TRIM35: variants seen among roughly 807,000 people sequenced by gnomAD.
TRIM35 encodes E3 ubiquitin-protein ligase TRIM35.
In TRIM35, 37 loss-of-function variants were observed where a neutral mutation model predicts 49.1. That is an observed-to-expected ratio of 0.75 (90% confidence interval 0.58 to 0.99). TRIM35 has a LOEUF of 0.99. Ranked by LOEUF, TRIM35 falls within the 50% of genes least tolerant of loss-of-function variation. The pLI, the probability that TRIM35 is intolerant of heterozygous loss-of-function variation, is 0.00. For missense variants in TRIM35, 648 were observed against 702.7 expected, an observed-to-expected ratio of 0.92 and a Z score of 0.88; for synonymous variants, 302 against 289.3, an observed-to-expected ratio of 1.04 and a Z score of -0.45.
chr8:27,289,306 G>C, intron 4 of TRIM35, 26 bp from the exon 5 acceptor site: 1 of 1,599,108 alleles, frequency 6.3e-7, no homozygotes, highest in Non-Finnish European at 8.6e-7. Flanking sequence ...GGGTATGGTG[G>C]GCAGGGCCAG....
chr8:27,290,310 AT>A (rs1802427055), intron 3 of TRIM35, 132 bp from the exon 4 acceptor site: 1 of 849,006 alleles, frequency 1.2e-6, no homozygotes, highest in Non-Finnish European at 1.9e-6. Context: ...TAACAATAAC[AT>A]CCCTGCTATG....
intron 1 of TRIM35, among the ~76,000 whole-genome samples, chr8:27,306,794 G>C (rs10093363): frequency 1.3e-5 from 2 of 152,188 alleles, no homozygotes; most frequent in African/African-American, 4.8e-5. Context: ...AAATTTGGGC[G>C]GATTAAGTAG....
At chr8:27,297,268 G>C (rs1802589091) in intron 2 of TRIM35, among the ~76,000 whole-genome samples, 1 of 152,208 alleles carries the variant, frequency 6.6e-6, no homozygotes, top group Non-Finnish European at 1.5e-5. Context: ...ACCTGGACCA[G>C]GCATGGCTCA....
intron 1 of TRIM35, among the ~76,000 whole-genome samples, chr8:27,309,803 T>C (rs967548726): frequency 3.3e-5 from 5 of 150,694 alleles, no homozygotes; most frequent in African/African-American, 1.2e-4. Context: ...GCCAACATGG[T>C]GAAACCCTGC....
chr8:27,288,108 G>A lies in TRIM35; in HGVS notation c.924C>T (p.Pro308=). 6.2e-7 allele frequency: 1 copy of A among 1,607,706 alleles called. No individual in the cohort carries two copies. Among genetic ancestry groups the A allele is most frequent in the Admixed American group, 1.7e-5 (1 of 60,014 alleles). ...SVESVPFSFD[P]NTAAGWLSVS... ...CGGAGAGCCAGCCAGCTGCGGTGTTGGGGTCAAAGCTGAAGGGTACTGCAA... is the reference window on the plus strand; with the variant it reads ...CGGAGAGCCAGCCAGCTGCGGTGTTAGGGTCAAAGCTGAAGGGTACTGCAA... The change falls in exon 6 of 6, where the codon CCC becomes CCT. Residue 308 remains proline, a synonymous_variant. Coordinates refer to ENST00000305364, the MANE Select transcript of TRIM35 (RefSeq NM_171982.5).
At chr8:27,301,658 T>C (rs550281423) in intron 1 of TRIM35, among the ~76,000 whole-genome samples, 27 of 152,350 alleles carry the variant, frequency 1.8e-4, no homozygotes, top group Non-Finnish European at 4.4e-5. Context: ...CATTTATCTT[T>C]CTTAATTGAA....
At chr8:27,290,119 A>C (rs1256519874) in intron 4 of TRIM35, 37 bp downstream of exon 4, 1 of 1,612,096 alleles carries the variant, frequency 6.2e-7, no homozygotes, top group Non-Finnish European at 8.5e-7. Flanking sequence ...ATTTCTGCCC[A>C]CTCTTCCCCT....
Position 27,288,274 on chromosome 8 carries a change from G to A in TRIM35, c.905-147C>T. The A allele has an allele frequency of 5.3e-6, 4 of 756,926 alleles. No individual in the cohort carries two copies. The Admixed American group carries it at 8.6e-5, about 16-fold the overall frequency. 46.9% of individuals were successfully genotyped at this position (756,926 alleles called of 1,614,324 possible). ...TGGCCCAGGGCTGGAGTGGTGGCAGGGGTTGGGCTGTATCCCCCAGAAGAT... is the reference window on the plus strand; with the variant it reads ...TGGCCCAGGGCTGGAGTGGTGGCAGAGGTTGGGCTGTATCCCCCAGAAGAT... On this transcript the variant is annotated intron_variant, in intron 5 of 5. Transcript: ENST00000305364.
intron 2 of TRIM35, among the ~76,000 whole-genome samples, chr8:27,294,568 C>G (rs142851935): frequency 2.2e-4 from 33 of 152,320 alleles, no homozygotes; most frequent in African/African-American, 7.0e-4. Flanking sequence ...TAGATGGCAA[C>G]TGTAGTACTA....
intron 1 of TRIM35, among the ~76,000 whole-genome samples, chr8:27,305,155 A>C (rs1246611553): frequency 6.6e-6 from 1 of 152,274 alleles, no homozygotes. Flanking sequence ...AGTGGCAGGC[A>C]CATGCTGTGC....
intron 3 of TRIM35, among the ~76,000 whole-genome samples, chr8:27,291,786 C>T (rs1176668046): frequency 1.3e-5 from 2 of 152,132 alleles, no homozygotes; most frequent in African/African-American, 2.4e-5. Flanking sequence ...TGATGAGAGC[C>T]CTCATGCTGT....
chr8:27,309,375 A>G (rs1282220523), intron 1 of TRIM35, among the ~76,000 whole-genome samples: 78 of 152,358 alleles, frequency 5.1e-4, no homozygotes, highest in Admixed American at 5.0e-3. Context: ...CATGTTAAAC[A>G]AAAAAGATGA....
chr8:27,286,390 G>A lies in TRIM35; in HGVS notation c.*1160C>T. On this transcript the variant is annotated 3_prime_UTR_variant, in exon 6 of 6. Coordinates refer to ENST00000305364, the MANE Select transcript of TRIM35 (RefSeq NM_171982.5). The stretch of plus-strand genomic sequence containing the variant: ...CCACAGCGTTTAGGGCCACGTCCAT[G>A]GCGCCACCCCTCTCCTTTCTTCCCA... 1 of 327,314 alleles carries A rather than the reference G, an allele frequency of 3.1e-6. No individual in the cohort carries two copies. Among genetic ancestry groups the A allele is most frequent in the Non-Finnish European group, 6.1e-6 (1 of 165,140 alleles). 20.3% of individuals were successfully genotyped at this position (327,314 alleles called of 1,614,324 possible).
intron 1 of TRIM35, among the ~76,000 whole-genome samples, chr8:27,300,844 T>C (rs1802670213): frequency 6.6e-6 from 1 of 152,222 alleles, no homozygotes; most frequent in South Asian, 2.1e-4. Context: ...AATCATGTAA[T>C]ACAGTTCAAA....
In TRIM35 at chr8:27,291,453, G is replaced by A. The variant is rs80312248; in HGVS notation, c.763-1275C>T. 4.5e-3 allele frequency among the ~76,000 whole-genome samples: 680 copies of A among 152,274 alleles called. 6 individuals carry two copies. Among genetic ancestry groups the A allele is most frequent in the East Asian group, 0.036 (185 of 5,168 alleles). ...TGGAATCCACATACACTCCTGATGG[G>A]AATATAAAATGATACAGTTGCTCTG... On this transcript the variant is annotated intron_variant, in intron 3 of 5. Coordinates refer to ENST00000305364, the MANE Select transcript of TRIM35 (RefSeq NM_171982.5).
chr8:27,298,454 G>A lies in TRIM35; in HGVS notation c.531+10C>T, dbSNP rs200284804. Reference sequence around the variant, plus strand: ...CCCAATCTTCCCACTTGGCCCCATCGTTCGCTCACCTGATTGTGCTTGGCG... The same window carrying A: ...CCCAATCTTCCCACTTGGCCCCATCATTCGCTCACCTGATTGTGCTTGGCG... On this transcript the variant is annotated intron_variant, in intron 2 of 5. Transcript: ENST00000305364. The A allele has an allele frequency of 1.4e-5, 23 of 1,613,672 alleles. No homozygotes were observed. In the East Asian group the frequency reaches 2.7e-4, roughly 19 times the overall value.
At chr8:27,293,967 A>G (rs2130275461) in intron 3 of TRIM35, 113 bp downstream of exon 3, 1 of 1,006,278 alleles carries the variant, frequency 9.9e-7, no homozygotes, top group East Asian at 2.5e-5. Context: ...CCTCCAGGCC[A>G]GTACCCAGGA....
chr8:27,304,328 G>A (rs1802739489), intron 1 of TRIM35, among the ~76,000 whole-genome samples: 1 of 152,228 alleles, frequency 6.6e-6, no homozygotes, highest in African/African-American at 2.4e-5. Flanking sequence ...TGTCTGGCCT[G>A]AGCCAGGTTT....
intron 1 of TRIM35, among the ~76,000 whole-genome samples, chr8:27,305,654 G>T (rs1255886699): frequency 2.0e-5 from 3 of 152,190 alleles, no homozygotes; most frequent in Non-Finnish European, 4.4e-5. Context: ...GCCAGAAGGG[G>T]AGAGAGGGCT....
Sources: gnomAD v4.1 joint callset for allele counts (sites outside exome capture counted in the v4.1 genomes callset) on GRCh38, gnomAD v4.1.1 for gene constraint, MANE v1.5 for transcripts, NCBI Gene and HGNC (gene_info 2026-07-23, HGNC 2026-07-21) for gene names.